NEB: variants seen among roughly 807,000 people sequenced by gnomAD.
The protein encoded by NEB is nebulin, also known as nemaline myopathy type 2.
In NEB, 512 loss-of-function variants were observed where a neutral mutation model predicts 952.2. The ratio of observed to expected loss-of-function variants is 0.54; its 90% CI spans 0.50 to 0.58. NEB has a LOEUF of 0.58. Among genes scored for constraint, NEB ranks in the 20% least tolerant of loss-of-function variants. The pLI is 0.00. For missense variants in NEB, 8,428 were observed against 9,231.1 expected (o/e 0.91, Z 3.56); for synonymous variants, 2,900 against 3,149.8 (o/e 0.92, Z 2.66).
chr2:151,577,608 TCTCA>T (rs1273356928), intron 105 of NEB, among the ~76,000 whole-genome samples: 21 of 152,152 alleles, frequency 1.4e-4, no homozygotes, highest in Admixed American at 9.2e-4. Context: ...TGAGACGGAG[TCTCA>T]CTCTGCCACC....
Position 151,485,792 on chromosome 2 carries a change from T to C in NEB, c.25546A>G (p.Met8516Val), listed in dbSNP as rs370369451. The part of the protein sequence containing the change: ...GTVQRTGRTG[M>V]LPANYVEAI Reference sequence around the variant, plus strand: ...GCTTCAACGTAGTTGGCTGGGAGCATTCCGGTCCTGCCAGTCCTCTGCACA... The same window carrying C: ...GCTTCAACGTAGTTGGCTGGGAGCACTCCGGTCCTGCCAGTCCTCTGCACA... Residue 8516 changes from methionine to valine, a missense_variant, in exon 182 of 182, where the codon ATG (methionine) becomes GTG (valine). Transcript: ENST00000397345. The C allele has an allele frequency of 3.1e-6, 5 of 1,612,946 alleles. No homozygotes were observed. The highest frequency in any genetic ancestry group is 1.7e-5 in the Admixed American group (1 of 59,986).
intron 10 of NEB, among the ~76,000 whole-genome samples, chr2:151,712,410 G>A (rs1206765056): frequency 6.6e-6 from 1 of 152,170 alleles, no homozygotes; most frequent in Non-Finnish European, 1.5e-5. Context: ...TAGATGTCTG[G>A]TTTTCAAGAA....
intron 51 of NEB, among the ~76,000 whole-genome samples, chr2:151,654,876 A>C (rs1021079086): frequency 3.9e-5 from 6 of 152,228 alleles, no homozygotes; most frequent in Non-Finnish European, 8.8e-5. Context: ...TATTAGAGAC[A>C]GGGTCTCCCA....
rs532726419 is a variant in NEB, at chr2:151,533,080, A to G, written c.21417+362T>C. On this transcript the variant is annotated intron_variant, in intron 143 of 181. Coordinates refer to ENST00000397345, the MANE Select transcript of NEB (RefSeq NM_001164508.2). ...AGAGACACATTAGATGAAAACATTA[A>G]ATATTCAGACCTTTTACATGCTGTT... Among the ~76,000 whole-genome samples, 5 of 152,340 alleles carry G rather than the reference A, an allele frequency of 3.3e-5. No homozygotes were observed. In the South Asian group the frequency reaches 1.0e-3, roughly 32 times the overall value.
At chr2:151,504,187 G>A (rs903603365) in intron 165 of NEB, among the ~76,000 whole-genome samples, 25 of 152,080 alleles carry the variant, frequency 1.6e-4, no homozygotes, top group Non-Finnish European at 1.2e-4. Flanking sequence ...GGATTCCCTG[G>A]TGTATTAGTG....
chr2:151,723,352 C>A, intron 9 of NEB, 30 bp downstream of exon 9: 1 of 1,534,368 alleles, frequency 6.5e-7, no homozygotes, highest in Non-Finnish European at 8.9e-7. Context: ...ACTCTGCACA[C>A]CTAAGTGGTG....
chr2:151,499,986 A>T (rs1355049038), intron 168 of NEB, among the ~76,000 whole-genome samples: 21 of 152,224 alleles, frequency 1.4e-4, no homozygotes, highest in Admixed American at 1.4e-3. Flanking sequence ...CAGGATCATT[A>T]AGGTTTCAAA....
rs752889625 is a variant in NEB, at chr2:151,627,642, T to G, written c.10024A>C (p.Lys3342Gln). 1.2e-6 allele frequency: 2 copies of G among 1,614,024 alleles called. No individual in the cohort carries two copies. The highest frequency in any genetic ancestry group is 2.2e-5 in the South Asian group (2 of 91,080). The change falls in exon 69 of 182, where the codon AAG becomes CAG. Residue 3342 changes from lysine (K) to glutamine (Q), a missense_variant. Physicochemically the swap from Lys to Gln is moderately conservative, Grantham distance 53. This residue lies in a region of NEB where 1,772 missense variants were observed against 1,960.3 expected (regional missense o/e 0.90). Coordinates refer to ENST00000397345, the MANE Select transcript of NEB (RefSeq NM_001164508.2). ...TCGCTGACTAAGGTCTGGCACTTCT[T>G]GGCTAACACCACTCCCAGCATGTCC... ...PVDMLGVVLA[K>Q]KCQTLVSDVD...
chr2:151,568,043 A>T, intron 113 of NEB, 28 bp downstream of exon 113: 1 of 1,580,612 alleles, frequency 6.3e-7, no homozygotes, highest in African/African-American at 1.3e-5. Context: ...CCACTTTTGC[A>T]AAATGCACTC....
chr2:151,565,212 T>A, intron 116 of NEB, 64 bp from the exon 117 acceptor site: 1 of 894,790 alleles, frequency 1.1e-6, no homozygotes, highest in Non-Finnish European at 1.7e-6. Flanking sequence ...TAAGATTACC[T>A]AGAAACATAA....
At position 151,553,843 on chromosome 2, in the gene NEB, T is replaced by G; in HGVS notation, c.19611A>C (p.Thr6537=). The change falls in exon 126 of 182, where the codon ACA becomes ACC. Residue 6537 remains threonine, a synonymous_variant. Transcript: ENST00000397345. ...ACAGGCTTACATCGCTGATCTGATC[T>G]GTGACTTTCCTGACGTGATCATTGA... ...LQVNDHVRKV[T]DQISDIVYKD... 3 of 1,612,636 alleles carry G rather than the reference T, an allele frequency of 1.9e-6. No individual in the cohort carries two copies. In the Middle Eastern group the frequency reaches 5.0e-4, roughly 267 times the overall value.
chr2:151,681,529 C>A (rs554588837), intron 29 of NEB, among the ~76,000 whole-genome samples: 1 of 152,180 alleles, frequency 6.6e-6, no homozygotes, highest in Non-Finnish European at 1.5e-5. Context: ...ATCACTCTTT[C>A]GGCTTCAGAC....
At chr2:151,679,672 A>ACCCC in intron 32 of NEB, 49 bp downstream of exon 32, 2 of 335,288 alleles carry the variant, frequency 6.0e-6, no homozygotes, top group South Asian at 5.1e-5. Context: ...CCCCAAGCCC[A>ACCCC]CCCACCCACA....
intron 157 of NEB, 48 bp from the exon 158 acceptor site, chr2:151,514,976 C>T: frequency 8.5e-7 from 1 of 1,170,362 alleles, no homozygotes; most frequent in Middle Eastern, 1.9e-4. Flanking sequence ...ATCTTTATTA[C>T]AATATATCTC....
intron 10 of NEB, among the ~76,000 whole-genome samples, chr2:151,716,666 T>C (rs2099760130): frequency 6.6e-6 from 1 of 152,146 alleles, no homozygotes; most frequent in East Asian, 1.9e-4. Flanking sequence ...TTCATCATTC[T>C]TCTCTACTAG....
In NEB at chr2:151,685,115, A is replaced by G. The variant is rs1298596180; in HGVS notation, c.2638-140T>C. ...AGTTATTTTGCCCAAAAATGTGTTC[A>G]TATGTTACATACCATTGAAATTCCC... On this transcript the variant is annotated intron_variant, in intron 27 of 181. Coordinates refer to ENST00000397345, the MANE Select transcript of NEB (RefSeq NM_001164508.2). 6 of 842,206 alleles carry G rather than the reference A, an allele frequency of 7.1e-6. No individual in the cohort carries two copies. In the African/African-American group the frequency reaches 8.6e-5, roughly 12 times the overall value. The allele number at this position is 842,206 out of a possible 1,614,324, so 52.2% of individuals were successfully genotyped here. A position where few individuals can be genotyped will look rare whatever the true frequency, so the allele number is the denominator to read the frequency against.
chr2:151,574,722 T>TTTTTTTTATTTATTTATTTATTTA (rs1553805108), intron 107 of NEB, among the ~76,000 whole-genome samples: 3 of 147,698 alleles, frequency 2.0e-5, no homozygotes, highest in Non-Finnish European at 1.5e-5. Flanking sequence ...ACAGTTTAAA[T>TTTTTTTTATTTATTTATTTATTTA]TTTATTTATT....
chr2:151,567,609 G>A (rs1435763859), intron 113 of NEB, 130 bp from the exon 114 acceptor site: 6 of 660,732 alleles, frequency 9.1e-6, no homozygotes, highest in Non-Finnish European at 1.4e-5. Context: ...CCAACTCTGA[G>A]AGCAAATAAT....
chr2:151,682,484 T>C (rs1430801701), intron 29 of NEB, among the ~76,000 whole-genome samples, 178 bp downstream of exon 29: 1 of 152,228 alleles, frequency 6.6e-6, no homozygotes, highest in Non-Finnish European at 1.5e-5. Context: ...TTAACATAAA[T>C]GATTTTGGTA....
Sources: gnomAD v4.1 joint callset for allele counts (sites outside exome capture counted in the v4.1 genomes callset) on GRCh38, gnomAD v4.1.1 for gene constraint, gnomAD v4.1.1 regional missense constraint, MANE v1.5 for transcripts, NCBI Gene and HGNC (gene_info 2026-07-23, HGNC 2026-07-21) for gene names.